The following SENP7 variants were observed in gnomAD, a reference collection of about 807,000 sequenced individuals.
SENP7 encodes the protein sentrin-specific protease 7.
In SENP7, 64 loss-of-function variants were observed where a neutral mutation model predicts 141.2. That is an observed-to-expected ratio of 0.45 (90% confidence interval 0.37 to 0.56). SENP7 has a LOEUF of 0.56. SENP7 is among the 20% of genes least tolerant of loss of function. SENP7 has a pLI of 0.00. For synonymous variants in SENP7, 382 were observed against 426.4 expected (o/e 0.90, Z 1.28); for missense variants, 1,025 against 1,212.2 (o/e 0.85, Z 2.29).
chr3:101,336,693 A>G (rs1421910948), intron 17 of SENP7, among the ~76,000 whole-genome samples: 1 of 152,232 alleles, frequency 6.6e-6, no homozygotes, highest in African/African-American at 2.4e-5. Flanking sequence ...GAGTCTACTC[A>G]GATAGATTAT....
chr3:101,357,443 A>G, intron 11 of SENP7: 1 of 1,043,806 alleles, frequency 9.6e-7, no homozygotes, highest in Non-Finnish European at 1.4e-6. Context: ...TTTGACTACG[A>G]AGAGACATAA....
At chr3:101,360,621 C>T (rs1232628466) in intron 11 of SENP7, among the ~76,000 whole-genome samples, 1 of 152,100 alleles carries the variant, frequency 6.6e-6, no homozygotes, top group African/African-American at 2.4e-5. Context: ...CATTTAAGTG[C>T]CTGCTTAGAG....
At chr3:101,452,084 A>T (rs2063160909) in intron 4 of SENP7, among the ~76,000 whole-genome samples, 1 of 152,194 alleles carries the variant, frequency 6.6e-6, no homozygotes, top group African/African-American at 2.4e-5. Flanking sequence ...ACAAACAGAG[A>T]GCCAAATCAT....
intron 23 of SENP7, among the ~76,000 whole-genome samples, chr3:101,326,528 A>G (rs904178397): frequency 2.0e-5 from 3 of 152,154 alleles, no homozygotes; most frequent in African/African-American, 7.2e-5. Flanking sequence ...ACATTCTGCT[A>G]CTAGACCCAT....
chr3:101,437,529 G>A (rs1157534583), intron 4 of SENP7, among the ~76,000 whole-genome samples: 3 of 151,918 alleles, frequency 2.0e-5, no homozygotes, highest in African/African-American at 2.4e-5. Flanking sequence ...ATTTTTAAAT[G>A]ATTTTAAATT....
intron 22 of SENP7, among the ~76,000 whole-genome samples, chr3:101,328,036 C>T (rs2058949088): frequency 6.6e-6 from 1 of 152,096 alleles, no homozygotes; most frequent in Non-Finnish European, 1.5e-5. Flanking sequence ...AGACTTTTTT[C>T]AACAACTCAA....
upstream of SENP7, chr3:101,513,212 G>GAAAAAAAAAAAAAAAAAAAAAAAAA (rs1254138448): frequency 1.5e-5 from 2 of 132,838 alleles, 1 homozygote; most frequent in Admixed American, 2.6e-4. Context: ...GGAGGGGAAA[G>GAAAAAAAAAAAAAAAAAAAAAAAAA]GAAAAAAAAA....
At chr3:101,367,095 A>G (rs2060056666) in intron 8 of SENP7, among the ~76,000 whole-genome samples, 1 of 152,184 alleles carries the variant, frequency 6.6e-6, no homozygotes, top group Non-Finnish European at 1.5e-5. Context: ...ATTTTGCAAA[A>G]GTAATAATGC....
chr3:101,419,881 G>A (rs999652648), intron 4 of SENP7, among the ~76,000 whole-genome samples: 1 of 152,092 alleles, frequency 6.6e-6, no homozygotes, highest in Non-Finnish European at 1.5e-5. Flanking sequence ...CTCCATGAGG[G>A]GCTTACAAAT....
intron 6 of SENP7, among the ~76,000 whole-genome samples, chr3:101,372,535 C>A (rs568267771): frequency 6.6e-6 from 1 of 152,064 alleles, no homozygotes; most frequent in East Asian, 1.9e-4. Context: ...GGTTCATATA[C>A]CAAAAGTATG....
chr3:101,473,592 GC>G (rs1027522506), intron 3 of SENP7, among the ~76,000 whole-genome samples: 1 of 151,896 alleles, frequency 6.6e-6, no homozygotes, highest in African/African-American at 2.4e-5. Flanking sequence ...GTTGTTTTTT[GC>G]TTGTAAATTT....
intron 4 of SENP7, among the ~76,000 whole-genome samples, chr3:101,455,706 G>C (rs1325573464): frequency 6.6e-6 from 1 of 152,138 alleles, no homozygotes; most frequent in African/African-American, 2.4e-5. Context: ...CAAAATTCTT[G>C]TGCTGTGAAG....
intron 4 of SENP7, among the ~76,000 whole-genome samples, chr3:101,447,050 G>C (rs188285507): frequency 5.3e-5 from 8 of 152,020 alleles, no homozygotes; most frequent in Middle Eastern, 3.4e-3. Flanking sequence ...CAAAAAGTGA[G>C]ACATAAAAAT....
intron 12 of SENP7, among the ~76,000 whole-genome samples, chr3:101,349,978 A>C (rs1358084288): frequency 6.6e-6 from 1 of 152,200 alleles, no homozygotes; most frequent in Non-Finnish European, 1.5e-5. Context: ...AATAAAATGT[A>C]AGCAGAAAAG....
At chr3:101,479,882 A>G (rs1171491616) in intron 3 of SENP7, among the ~76,000 whole-genome samples, 2 of 124,018 alleles carry the variant, frequency 1.6e-5, no homozygotes, top group African/African-American at 5.9e-5. Context: ...AATTCCACTT[A>G]CAACAGCTAC....
At chr3:101,454,082 T>C (rs2063259626) in intron 4 of SENP7, among the ~76,000 whole-genome samples, 1 of 152,196 alleles carries the variant, frequency 6.6e-6, no homozygotes, top group South Asian at 2.1e-4. Flanking sequence ...GAATCCTTCA[T>C]ACATTGCTGG....
intron 23 of SENP7, among the ~76,000 whole-genome samples, chr3:101,327,213 CTT>C (rs2058925119): frequency 6.6e-6 from 1 of 152,024 alleles, no homozygotes; most frequent in Non-Finnish European, 1.5e-5. Flanking sequence ...GTGCCTGCCT[CTT>C]TGCTTGCCCA....
chr3:101,471,396 T>C (rs1230485043), intron 3 of SENP7, among the ~76,000 whole-genome samples: 8 of 152,284 alleles, frequency 5.3e-5, no homozygotes, highest in Middle Eastern at 6.8e-3. Context: ...AAACAAGAAA[T>C]GGGGAAAGGA....
intron 5 of SENP7, among the ~76,000 whole-genome samples, chr3:101,412,631 C>T (rs2061487337): frequency 6.6e-6 from 1 of 152,094 alleles, no homozygotes; most frequent in Non-Finnish European, 1.5e-5. Context: ...GCTAACTCTT[C>T]TTAATGGAAT....
Sources: allele counts gnomAD v4.1 joint callset (sites outside exome capture counted in the v4.1 genomes callset), GRCh38; gene constraint gnomAD v4.1.1; transcripts MANE v1.5; gene names NCBI Gene and HGNC (gene_info 2026-07-23, HGNC 2026-07-21).